RANBP2: variants seen among roughly 807,000 people sequenced by gnomAD.
RANBP2 encodes the protein RAN binding protein 2, also known as E3 SUMO-protein ligase RanBP2.
RANBP2 carries 57 observed loss-of-function variants against 303.6 expected under a neutral mutation model. The ratio of observed to expected loss-of-function variants is 0.19; its 90% confidence interval spans 0.15 to 0.23. RANBP2 has a LOEUF of 0.23. RANBP2 is among the 10% of genes least tolerant of loss of function. The probability of loss-of-function intolerance (pLI) is 1.00; values close to 1 mark genes in which losing one functional copy is unlikely to be tolerated. For synonymous variants in RANBP2, 1,167 were observed against 1,301.5 expected, an observed-to-expected ratio of 0.90 and a Z score of 2.23; for missense variants, 3,138 against 3,780.8, an observed-to-expected ratio of 0.83 and a Z score of 4.46.
the RANBP2 span, among the ~76,000 whole-genome samples, chr2:109,206,572 G>A: frequency 1.8e-4 from 28 of 151,704 alleles, no homozygotes; most frequent in Middle Eastern, 3.4e-3. Context: ...AGTTTGGGAG[G>A]TCAAGGAGGG....
In RANBP2 at chr2:108,766,803, G is replaced by C. The variant is rs888785883; in HGVS notation, c.6264G>C (p.Trp2088Cys). Residue 2088 changes from tryptophan to cysteine, a missense_variant, in exon 20 of 29, where the codon TGG becomes TGC. Physicochemically the swap from Trp to Cys is radical, Grantham distance 215. Around this residue, in one of 20 missense-constraint regions of RANBP2, gnomAD observed 103 missense variants for 214.3 expected, o/e 0.48. Coordinates refer to ENST00000283195, the MANE Select transcript of RANBP2 (RefSeq NM_006267.5). ...TACTAAAAGTGTGTGCTAATCATTGGATAACGACTACGATGAACCTGAAGC... is the reference window on the plus strand; with the variant it reads ...TACTAAAAGTGTGTGCTAATCATTGCATAACGACTACGATGAACCTGAAGC... The part of the protein sequence containing the change: ...EQVLKVCANH[W>C]ITTTMNLKPL... 6.2e-7 allele frequency: 1 copy of C among 1,611,876 alleles called. No individual in the cohort carries two copies. The highest frequency in any genetic ancestry group is 8.5e-7 in the Non-Finnish European group (1 of 1,179,872).
chr2:109,113,638 A>C, the RANBP2 span, among the ~76,000 whole-genome samples: 6 of 152,202 alleles, frequency 3.9e-5, no homozygotes, highest in South Asian at 2.1e-4. Context: ...CCTTCTCCTG[A>C]CTAATTGCCC....
the RANBP2 span, among the ~76,000 whole-genome samples, chr2:109,204,703 C>A: frequency 6.6e-6 from 1 of 152,214 alleles, no homozygotes; most frequent in African/African-American, 2.4e-5. Context: ...CTAGCAGTCT[C>A]TTACTTTGCT....
chr2:108,734,898 T>TA (rs979695929), intron 4 of RANBP2, among the ~76,000 whole-genome samples: 13 of 151,242 alleles, frequency 8.6e-5, no homozygotes, highest in South Asian at 2.1e-4. Context: ...TACAGAACGT[T>TA]AAAAAAAAAT....
the RANBP2 span, chr2:109,545,486 T>A: frequency 2.0e-6 from 3 of 1,536,044 alleles, no homozygotes; most frequent in African/African-American, 1.4e-5. Context: ...ACGTCCACCA[T>A]TGGTTTCACA....
the RANBP2 span, among the ~76,000 whole-genome samples, chr2:109,533,486 C>A: frequency 2.6e-5 from 4 of 152,188 alleles, no homozygotes; most frequent in African/African-American, 9.6e-5. Context: ...GTGTGGAATG[C>A]CCCAGGCCAT....
At chr2:109,514,290 G>T in the RANBP2 span, among the ~76,000 whole-genome samples, 2 of 152,138 alleles carry the variant, frequency 1.3e-5, no homozygotes, top group Non-Finnish European at 2.9e-5. Flanking sequence ...TGGTAAATAC[G>T]GAGTTTCTGC....
In RANBP2 at chr2:108,763,242, A is replaced by G. The variant is rs770001983; in HGVS notation, c.2703A>G (p.Pro901=). The G allele has an allele frequency of 1.2e-6, 2 of 1,613,614 alleles. No individual in the cohort carries two copies. The change falls in exon 20 of 29, where the codon CCA becomes CCG. Residue 901 remains proline, a synonymous_variant. Transcript: ENST00000283195. The stretch of plus-strand genomic sequence containing the variant: ...TTTAACTTTCTGTCTTTTAGGGCCC[A>G]GTCTATGGCATGAATAGGCTTCCAC... ...PAANVTPTKG[P]VYGMNRLPPQ...
At chr2:108,935,581 G>C in the RANBP2 span, among the ~76,000 whole-genome samples, 1 of 152,156 alleles carries the variant, frequency 6.6e-6, no homozygotes, top group Non-Finnish European at 1.5e-5. Context: ...AGCCTTGGCT[G>C]GGTCTCTCCC....
chr2:109,761,529 C>CA, the RANBP2 span, among the ~76,000 whole-genome samples: 3 of 148,620 alleles, frequency 2.0e-5, no homozygotes, highest in African/African-American at 7.4e-5. Context: ...GGGGATCTCA[C>CA]ACTGGGGAGC....
At chr2:109,640,450 T>TTAAA in the RANBP2 span, among the ~76,000 whole-genome samples, 12 of 152,162 alleles carry the variant, frequency 7.9e-5, no homozygotes, top group South Asian at 4.1e-4. Context: ...ATACTCCATC[T>TTAAA]TAAATAAATA....
At chr2:108,955,177 T>A in the RANBP2 span, among the ~76,000 whole-genome samples, 2 of 152,312 alleles carry the variant, frequency 1.3e-5, no homozygotes, top group East Asian at 1.9e-4. Flanking sequence ...GCAAGTAATC[T>A]AAATGTCTGT....
At chr2:109,247,206 G>C in the RANBP2 span, among the ~76,000 whole-genome samples, 2 of 152,210 alleles carry the variant, frequency 1.3e-5, no homozygotes, top group Non-Finnish European at 2.9e-5. Context: ...AGAACAGAAT[G>C]AAGTCACACC....
chr2:109,548,737 T>C, the RANBP2 span, among the ~76,000 whole-genome samples: 7 of 125,344 alleles, frequency 5.6e-5, no homozygotes, highest in South Asian at 2.7e-4. Flanking sequence ...GATAGCGCCA[T>C]TGCACTCCAG....
chr2:109,557,834 C>A, the RANBP2 span, among the ~76,000 whole-genome samples: 1 of 150,852 alleles, frequency 6.6e-6, no homozygotes, highest in African/African-American at 2.4e-5. Flanking sequence ...ATAAAAGTAG[C>A]TTGCTGTCAT....
the RANBP2 span, among the ~76,000 whole-genome samples, chr2:109,609,822 T>C: frequency 6.6e-6 from 1 of 152,048 alleles, no homozygotes; most frequent in Non-Finnish European, 1.5e-5. Flanking sequence ...GGTCACCACT[T>C]AAAAGGTAAG....
At chr2:109,284,803 G>A in the RANBP2 span, among the ~76,000 whole-genome samples, 2 of 151,808 alleles carry the variant, frequency 1.3e-5, no homozygotes, top group African/African-American at 2.4e-5. Context: ...GTGTGGCCTC[G>A]TGTCAGATGA....
the RANBP2 span, chr2:108,929,450 C>A: frequency 6.6e-7 from 1 of 1,524,688 alleles, no homozygotes. Context: ...GGCCCACAGT[C>A]CTTGGGCAGT....
the RANBP2 span, among the ~76,000 whole-genome samples, chr2:108,799,972 T>G: frequency 6.6e-6 from 1 of 152,206 alleles, no homozygotes; most frequent in African/African-American, 2.4e-5. Flanking sequence ...TTATTTTTGT[T>G]TTTCTCATAA....
Sources: gnomAD v4.1 joint callset for allele counts (sites outside exome capture counted in the v4.1 genomes callset) on GRCh38, gnomAD v4.1.1 for gene constraint, gnomAD v4.1.1 regional missense constraint, MANE v1.5 for transcripts, NCBI Gene and HGNC (gene_info 2026-07-23, HGNC 2026-07-21) for gene names.